The following ADGRL3 variants were observed in gnomAD, a reference collection of about 807,000 sequenced individuals.
The protein encoded by ADGRL3 is calcium-independent alpha-latrotoxin receptor 3.
A neutral mutation model predicts 153.5 loss-of-function variants in ADGRL3; 62 were observed. That is an observed-to-expected ratio of 0.40 (90% CI 0.33 to 0.50). The LOEUF is 0.50. Ranked by LOEUF, ADGRL3 falls within the 20% of genes least tolerant of loss-of-function variation. The probability of loss-of-function intolerance (pLI) is 0.47; values close to 1 mark genes in which losing one functional copy is unlikely to be tolerated. For missense variants in ADGRL3, 1,641 were observed against 1,859.4 expected (o/e 0.88, Z 2.16); for synonymous variants, 710 against 672.5 (o/e 1.06, Z -0.86).
chr4:61,827,979 G>A (rs957776332), intron 9 of ADGRL3, among the ~76,000 whole-genome samples: 6 of 152,116 alleles, frequency 3.9e-5, no homozygotes, highest in Non-Finnish European at 5.9e-5. Flanking sequence ...GTCACCGGGT[G>A]GTTAGTTATC....
rs111411890 is a variant in ADGRL3, at chr4:61,700,700, T to C, written c.583+23765T>C. Among the ~76,000 whole-genome samples, 312 of 152,252 alleles carry C rather than the reference T, an allele frequency of 2.0e-3. 5 individuals are homozygous for C. The highest frequency in any genetic ancestry group is 7.1e-3 in the African/African-American group (297 of 41,570). On this transcript the variant is annotated intron_variant, in intron 6 of 26. Transcript: ENST00000683033. The stretch of plus-strand genomic sequence containing the variant: ...CCATAGTGATTGTACAGTGGTGATA[T>C]CATAATTTCCAAAATGAAAATCAAG...
intron 6 of ADGRL3, among the ~76,000 whole-genome samples, chr4:61,699,282 G>A (rs1050818778): frequency 6.6e-6 from 1 of 151,956 alleles, no homozygotes; most frequent in African/African-American, 2.4e-5. Context: ...GGTGATTAAG[G>A]TGAATATCAG....
intron 17 of ADGRL3, among the ~76,000 whole-genome samples, chr4:61,951,970 G>T (rs2098948890): frequency 6.6e-6 from 1 of 152,154 alleles, no homozygotes; most frequent in Admixed American, 6.5e-5. Context: ...TGTTGTGGTA[G>T]TCATGAAGAG....
chr4:61,869,960 A>AAAAAAAAAAAG (rs1554051477), intron 9 of ADGRL3, among the ~76,000 whole-genome samples: 6 of 101,884 alleles, frequency 5.9e-5, no homozygotes, highest in African/African-American at 2.4e-4. Context: ...AAAAAAAAAA[A>AAAAAAAAAAAG]AGAGAGAGAG....
intron 2 of ADGRL3, among the ~76,000 whole-genome samples, chr4:61,400,414 G>A (rs1432063511): frequency 4.0e-5 from 6 of 151,800 alleles, no homozygotes; most frequent in Middle Eastern, 3.4e-3. Flanking sequence ...GAAGAAAAGC[G>A]ATGTACTTTT....
At chr4:61,397,866 G>T (rs1339233938) in intron 2 of ADGRL3, among the ~76,000 whole-genome samples, 1 of 151,842 alleles carries the variant, frequency 6.6e-6, no homozygotes, top group East Asian at 1.9e-4. Flanking sequence ...CAAGATCACT[G>T]GAATGTATAG....
At chr4:61,499,665 A>G (rs2098361861) in intron 3 of ADGRL3, among the ~76,000 whole-genome samples, 3 of 152,156 alleles carry the variant, frequency 2.0e-5, no homozygotes, top group Non-Finnish European at 2.9e-5. Flanking sequence ...GTAAATTATA[A>G]CAACCAGGAA....
At position 61,749,850 on chromosome 4, in the gene ADGRL3, A is replaced by G. The variant is rs554874119; in HGVS notation, c.1399+16296A>G. On this transcript the variant is annotated intron_variant, in intron 8 of 26. Coordinates refer to ENST00000683033, the MANE Select transcript of ADGRL3 (RefSeq NM_001387552.1). ...ATTGTACACATGTACCCTAAAACTT[A>G]AAGTATAATAATAATAAAATAAAAA... Among the ~76,000 whole-genome samples the G allele has an allele frequency of 2.0e-5, 3 of 152,016 alleles. No individual in the cohort carries two copies. The South Asian group carries it at 6.2e-4, about 32-fold the overall frequency.
At chr4:61,959,809 CAA>C (rs1310081391) in intron 17 of ADGRL3, among the ~76,000 whole-genome samples, 2 of 151,968 alleles carry the variant, frequency 1.3e-5, no homozygotes, top group African/African-American at 4.8e-5. Flanking sequence ...TATTAGAAAA[CAA>C]AATATTGAAT....
chr4:61,956,824 T>G (rs2150414259), intron 17 of ADGRL3, among the ~76,000 whole-genome samples: 1 of 152,296 alleles, frequency 6.6e-6, no homozygotes, highest in Admixed American at 6.5e-5. Flanking sequence ...TTTTGTCAGG[T>G]TTGTCAAAGG....
chr4:61,392,758 C>A (rs2096828260), intron 2 of ADGRL3, among the ~76,000 whole-genome samples: 2 of 120,038 alleles, frequency 1.7e-5, no homozygotes, highest in African/African-American at 3.0e-5. Flanking sequence ...AAAATATTTA[C>A]AAATATATTC....
At chr4:61,395,672 T>G (rs927505997) in intron 2 of ADGRL3, among the ~76,000 whole-genome samples, 2 of 151,834 alleles carry the variant, frequency 1.3e-5, no homozygotes, top group Non-Finnish European at 2.9e-5. Flanking sequence ...ATTTGTTCAG[T>G]AAAATATAAC....
chr4:61,951,144 C>G (rs1269548595), intron 17 of ADGRL3, among the ~76,000 whole-genome samples: 1 of 152,086 alleles, frequency 6.6e-6, no homozygotes, highest in African/African-American at 2.4e-5. Context: ...CATCTGCAGG[C>G]TCAGAGTACG....
chr4:61,663,082 C>T (rs973142932), intron 5 of ADGRL3, among the ~76,000 whole-genome samples: 7 of 152,338 alleles, frequency 4.6e-5, no homozygotes, highest in African/African-American at 1.4e-4. Flanking sequence ...CTGTGTACCT[C>T]ATTCTTCCTG....
intron 5 of ADGRL3, among the ~76,000 whole-genome samples, chr4:61,598,645 C>A (rs1297368345): frequency 6.6e-6 from 1 of 152,096 alleles, no homozygotes; most frequent in Non-Finnish European, 1.5e-5. Flanking sequence ...TGTGAACACA[C>A]AAACACATTT....
At chr4:61,767,745 A>T (rs2097015794) in intron 8 of ADGRL3, among the ~76,000 whole-genome samples, 1 of 152,154 alleles carries the variant, frequency 6.6e-6, no homozygotes, top group East Asian at 1.9e-4. Context: ...GATTTCCGGC[A>T]TGTGTAGCAA....
chr4:61,296,775 C>G (rs965352012), intron 1 of ADGRL3, among the ~76,000 whole-genome samples: 1 of 152,030 alleles, frequency 6.6e-6, no homozygotes, highest in Admixed American at 6.5e-5. Context: ...AAATAAGCAC[C>G]TTTACACAAA....
intron 2 of ADGRL3, among the ~76,000 whole-genome samples, chr4:61,493,469 C>G (rs1384462372): frequency 6.6e-6 from 1 of 152,142 alleles, no homozygotes; most frequent in Non-Finnish European, 1.5e-5. Context: ...ATAACTTTCA[C>G]CCATTGTTTC....
intron 15 of ADGRL3, among the ~76,000 whole-genome samples, chr4:61,937,879 C>T (rs1386141847): frequency 1.3e-5 from 2 of 152,038 alleles, no homozygotes; most frequent in African/African-American, 4.8e-5. Context: ...GTTGTGTGTT[C>T]ATTTGTTTTC....
Sources: gnomAD v4.1 joint callset for allele counts (sites outside exome capture counted in the v4.1 genomes callset) on GRCh38, gnomAD v4.1.1 for gene constraint, MANE v1.5 for transcripts, NCBI Gene and HGNC (gene_info 2026-07-23, HGNC 2026-07-21) for gene names.